The following IGF2R variants were observed in gnomAD, a reference collection of about 807,000 sequenced individuals.
IGF2R encodes cation-independent mannose-6-phosphate receptor.
Under a neutral mutation model 270.6 loss-of-function variants are expected in IGF2R, and 91 were observed. That is an observed-to-expected ratio of 0.34 (90% CI 0.28 to 0.40). IGF2R has a LOEUF of 0.40. Ranked by LOEUF, IGF2R falls within the 10% of genes least tolerant of loss-of-function variation. IGF2R has a pLI of 1.00. For synonymous variants in IGF2R, 1,316 were observed against 1,258.9 expected (o/e 1.05, Z -0.96); for missense variants, 2,805 against 3,188.3 (o/e 0.88, Z 2.90).
At chr6:159,971,878 A>G (rs528842951) in intron 1 of IGF2R, among the ~76,000 whole-genome samples, 1 of 152,286 alleles carries the variant, frequency 6.6e-6, no homozygotes, top group South Asian at 2.1e-4. Flanking sequence ...GCTGGCCTCA[A>G]GCTCCTATCC....
chr6:159,983,475 C>T (rs1783835670), intron 1 of IGF2R, among the ~76,000 whole-genome samples: 2 of 152,174 alleles, frequency 1.3e-5, no homozygotes, highest in Non-Finnish European at 2.9e-5. Context: ...AGATTACAGT[C>T]AGGAGCAAAA....
Position 160,034,489 on chromosome 6 carries a change from A to G in IGF2R, c.1282A>G (p.Ser428Gly). 1 of 1,611,464 alleles carries G rather than the reference A, an allele frequency of 6.2e-7. No homozygotes were observed. The highest frequency in any genetic ancestry group is 8.5e-7 in the Non-Finnish European group (1 of 1,177,612). ...ATGCAGCTCAGGGTTTCAGCGGATG[A>G]GCGTCATAAACTTTGAGTGCAATAA... Reference protein sequence around the residue: ...DECSSGFQRMSVINFECNKTA... With the variant: ...DECSSGFQRMGVINFECNKTA... Residue 428 changes from serine to glycine, a missense_variant, in exon 10 of 48, where the codon AGC (serine) becomes GGC (glycine). Physicochemically the swap from Ser to Gly is moderately conservative, Grantham distance 56. This residue lies in a region of IGF2R where 954 missense variants were observed against 981.1 expected (regional missense o/e 0.97). Transcript: ENST00000356956.
intron 28 of IGF2R, 22 bp from the exon 29 acceptor site, chr6:160,064,782 A>G (rs1212536642): frequency 6.6e-7 from 1 of 1,503,948 alleles, no homozygotes; most frequent in Admixed American, 1.7e-5. Context: ...ACTTTTATAT[A>G]TGTGCCTCTT....
chr6:160,088,223 G>A (rs1779137871), intron 42 of IGF2R, 76 bp downstream of exon 42: 1 of 958,036 alleles, frequency 1.0e-6, no homozygotes, highest in Non-Finnish European at 1.7e-6. Flanking sequence ...GGTTTTCATG[G>A]GCAGGTTTTG....
rs965059679 is a variant in IGF2R, at chr6:160,087,968, C to A, written c.6206-65C>A. 3 of 1,027,434 alleles carry A rather than the reference C, an allele frequency of 2.9e-6. No homozygotes were observed. In the African/African-American group the frequency reaches 4.7e-5, roughly 16 times the overall value. The allele number at this position is 1,027,434 out of a possible 1,614,324, so 63.6% of individuals were successfully genotyped here. The stretch of plus-strand genomic sequence containing the variant: ...TGGAATTGACAGGTGTGAGCCACTG[C>A]GCCTGCCTGAGGCTTTTTATAATGC... On this transcript the variant is annotated intron_variant, in intron 41 of 47. Transcript: ENST00000356956.
At chr6:160,063,084 C>T (rs538093578) in intron 26 of IGF2R, among the ~76,000 whole-genome samples, 2 of 146,654 alleles carry the variant, frequency 1.4e-5, no homozygotes, top group East Asian at 4.0e-4. Context: ...TGTTGCCAGG[C>T]TGGAGTGTAA....
At position 160,004,064 on chromosome 6, in the gene IGF2R, G is replaced by A. The variant is rs1784173017; in HGVS notation, c.290-4946G>A. The A allele has an allele frequency of 6.6e-6, 1 of 152,128 alleles. No individual in the cohort carries two copies. The highest frequency in any genetic ancestry group is 1.5e-5 in the Non-Finnish European group (1 of 68,026). The allele number at this position is 152,128 out of a possible 1,614,324, so 9.4% of individuals were successfully genotyped here. On this transcript the variant is annotated intron_variant, in intron 2 of 47. Transcript: ENST00000356956. This position sits in a 1 kb window ranked among gnomAD's most constrained non-coding sequence, Gnocchi z 5.2. ...AGTATCCATATAAATAGAGAAGCTGGAGGTTAAAAAATTGGATGAGTATTT... is the reference window on the plus strand; with the variant it reads ...AGTATCCATATAAATAGAGAAGCTGAAGGTTAAAAAATTGGATGAGTATTT...
In IGF2R at chr6:160,061,776, G is replaced by A. The variant is rs1490255660; in HGVS notation, c.3430G>A (p.Val1144Met). ...AGGCAGCGCAGTGGGGTCTTGCTTAGTGTCAGAAGGCAATAGCTGGAATCT... is the reference window on the plus strand; with the variant it reads ...AGGCAGCGCAGTGGGGTCTTGCTTAATGTCAGAAGGCAATAGCTGGAATCT... Reference protein sequence around the residue: ...CQGSAVGSCLVSEGNSWNLGV... With the variant: ...CQGSAVGSCLMSEGNSWNLGV... Residue 1144 changes from valine to methionine, a missense_variant, in exon 25 of 48, where the codon GTG becomes ATG. Physicochemically the swap from Val to Met is conservative, Grantham distance 21. Transcript: ENST00000356956. 1.9e-6 allele frequency: 3 copies of A among 1,614,212 alleles called. No homozygotes were observed. The East Asian group carries it at 6.7e-5, about 36-fold the overall frequency.
Position 159,981,191 on chromosome 6 carries a change from C to T in IGF2R, c.150-9993C>T, listed in dbSNP as rs932592134. 1.1e-4 allele frequency among the ~76,000 whole-genome samples: 16 copies of T among 152,280 alleles called. No individual in the cohort carries two copies. In the East Asian group the frequency reaches 2.3e-3, roughly 22 times the overall value. ...TGTCTCTGTTGTGGATGGTGCAGGG[C>T]GGGCAGGCCAGAGTGGCATCCTTGT... On this transcript the variant is annotated intron_variant, in intron 1 of 47. Transcript: ENST00000356956.
intron 42 of IGF2R, 91 bp from the exon 43 acceptor site, chr6:160,089,016 G>A: frequency 7.5e-7 from 1 of 1,326,934 alleles, no homozygotes; most frequent in South Asian, 1.6e-5. Flanking sequence ...CCAGTGAGCT[G>A]CTTCAAGGGC....
chr6:160,056,120 G>A (rs536419186), intron 19 of IGF2R, among the ~76,000 whole-genome samples: 7 of 152,236 alleles, frequency 4.6e-5, no homozygotes, highest in Non-Finnish European at 8.8e-5. Context: ...TCAACTTTTT[G>A]TGTAGGGTAC....
rs746917220 is a variant in IGF2R at position 160,089,237 on chromosome 6, G to A, written c.6451G>A (p.Gly2151Arg). ...NPINGKSFSL[G>R]DIYFKLFRAS... ...TATAAATGGCAAGAGCTTCAGCCTC[G>A]GAGATATTTATTTTAAGTAAGTAAA... Residue 2151 changes from glycine (G) to arginine (R), a missense_variant, in exon 43 of 48, where the codon GGA (glycine) becomes AGA (arginine). Transcript: ENST00000356956. 16 of 1,606,600 alleles carry A rather than the reference G, an allele frequency of 1.0e-5. No individual in the cohort carries two copies. The highest frequency in any genetic ancestry group is 3.4e-5 in the Admixed American group (2 of 59,060).
chr6:160,071,325 T>C (rs1778733435), intron 31 of IGF2R, among the ~76,000 whole-genome samples: 1 of 151,858 alleles, frequency 6.6e-6, no homozygotes, highest in African/African-American at 2.4e-5. Flanking sequence ...CCTGGGAGGC[T>C]GGACTGCAGC....
intron 7 of IGF2R, among the ~76,000 whole-genome samples, chr6:160,031,060 T>A (rs551462866): frequency 6.6e-6 from 1 of 152,316 alleles, no homozygotes; most frequent in East Asian, 1.9e-4. Flanking sequence ...CAGGCTGGTC[T>A]TGAACTCCCA....
At chr6:159,973,434 A>G (rs765328080) in intron 1 of IGF2R, among the ~76,000 whole-genome samples, 1 of 152,158 alleles carries the variant, frequency 6.6e-6, no homozygotes, top group African/African-American at 2.4e-5. Context: ...GTTTTCCCCA[A>G]ATTGTTTAGG....
chr6:160,045,501 T>C (rs1778048492), intron 13 of IGF2R, among the ~76,000 whole-genome samples: 2 of 152,332 alleles, frequency 1.3e-5, no homozygotes, highest in African/African-American at 4.8e-5. Flanking sequence ...TGAAACTCAG[T>C]TCCCATTAAA....
chr6:160,105,348 A>C lies in IGF2R; in HGVS notation c.*264A>C. On this transcript the variant is annotated 3_prime_UTR_variant, in exon 48 of 48. Transcript: ENST00000356956. The stretch of plus-strand genomic sequence containing the variant: ...GGGTTTTGCCCCAAGTCCTCATTTA[A>C]AAGCATAAGGCCGGACGCATCTCAA... The C allele has an allele frequency of 2.4e-6, 1 of 424,808 alleles. No individual in the cohort carries two copies. The highest frequency in any genetic ancestry group is 4.2e-6 in the Non-Finnish European group (1 of 238,866). The allele number at this position is 424,808 out of a possible 1,614,324, so 26.3% of individuals were successfully genotyped here.
At position 160,108,156 on chromosome 6, in the gene IGF2R, A is replaced by G. The variant is rs1189167596; in HGVS notation, c.*3072A>G. On this transcript the variant is annotated 3_prime_UTR_variant, in exon 48 of 48. Coordinates refer to ENST00000356956, the MANE Select transcript of IGF2R (RefSeq NM_000876.4). ...TCCCATGGCTCAGGGAGGTACACTC[A>G]TGTCCTTTCTTACTTCTCCGGTTCC... 1 of 152,254 alleles carries G rather than the reference A, an allele frequency of 6.6e-6. No homozygotes were observed. Among genetic ancestry groups the G allele is most frequent in the African/African-American group, 2.4e-5 (1 of 41,432 alleles). The allele number at this position is 152,254 out of a possible 1,614,324, so 9.4% of individuals were successfully genotyped here.
chr6:160,068,106 G>C, intron 29 of IGF2R, 143 bp from the exon 30 acceptor site: 1 of 707,926 alleles, frequency 1.4e-6, no homozygotes, highest in South Asian at 1.7e-5. Flanking sequence ...GTGTGTGTGT[G>C]TGACAGAGAC....
Sources: gnomAD v4.1 joint callset for allele counts (sites outside exome capture counted in the v4.1 genomes callset) on GRCh38, gnomAD v4.1.1 for gene constraint, gnomAD v4.1.1 regional missense constraint, Gnocchi (gnomAD v3.1) non-coding constraint, MANE v1.5 for transcripts, NCBI Gene and HGNC (gene_info 2026-07-23, HGNC 2026-07-21) for gene names.